Variants in RNF220 observed in about 807,000 individuals in gnomAD.
The protein encoded by RNF220 is ring finger protein 220.
In RNF220, 7 loss-of-function variants were observed where a neutral mutation model predicts 67.1. The observed-to-expected ratio is 0.10, with a 90% CI of 0.06 to 0.20. The LOEUF (loss-of-function observed/expected upper bound fraction) is 0.20. RNF220 is among the 10% of genes least tolerant of loss of function. The pLI is 1.00. For synonymous variants in RNF220, 270 were observed against 283.2 expected (o/e 0.95, Z 0.47); for missense variants, 565 against 740.3 (o/e 0.76, Z 2.75).
intron 2 of RNF220, among the ~76,000 whole-genome samples, chr1:44,537,156 T>C (rs1661295595): frequency 6.6e-6 from 1 of 152,120 alleles, no homozygotes; most frequent in African/African-American, 2.4e-5. Context: ...TCTGCCCCTC[T>C]TCTACCCCCT....
chr1:44,431,794 C>T (rs1426514803), intron 2 of RNF220, among the ~76,000 whole-genome samples: 1 of 152,188 alleles, frequency 6.6e-6, no homozygotes, highest in Non-Finnish European at 1.5e-5. Flanking sequence ...GTCTGGAGAG[C>T]ACAGAGCCAT....
At chr1:44,491,333 A>G (rs1084335) in intron 2 of RNF220, among the ~76,000 whole-genome samples, 1,648 of 152,240 alleles carry the variant, frequency 0.011, 32 homozygotes, top group African/African-American at 0.038. Context: ...ATATATGTAT[A>G]TATAAATCTG....
intron 2 of RNF220, among the ~76,000 whole-genome samples, chr1:44,489,811 A>G (rs709263): frequency 0.95 from 144,173 of 151,228 alleles, 68,797 homozygotes; most frequent in East Asian, 1. Context: ...CTTCACCAGA[A>G]TCCCATTGGC....
chr1:44,492,987 G>A, intron 2 of RNF220, among the ~76,000 whole-genome samples: 1 of 151,782 alleles, frequency 6.6e-6, no homozygotes, highest in East Asian at 1.9e-4. Flanking sequence ...CACACTCCTG[G>A]GCTCAAGCAT....
chr1:44,581,637 C>G (rs1444652675), intron 2 of RNF220, among the ~76,000 whole-genome samples: 1 of 152,094 alleles, frequency 6.6e-6, no homozygotes, highest in Non-Finnish European at 1.5e-5. Context: ...TTGAGGGACT[C>G]TGGAGAGAGA....
At chr1:44,409,056 A>G (rs2147795752) in intron 1 of RNF220, 1 of 152,382 alleles carries the variant, frequency 6.6e-6, no homozygotes, top group African/African-American at 2.4e-5. Flanking sequence ...AGACATTTTC[A>G]CGTTCCAAAC....
intron 2 of RNF220, among the ~76,000 whole-genome samples, chr1:44,552,811 C>T (rs1200608543): frequency 1.3e-5 from 2 of 151,892 alleles, no homozygotes; most frequent in African/African-American, 2.4e-5. Context: ...CCTCGTGATC[C>T]GCCCGCCTTG....
intron 2 of RNF220, among the ~76,000 whole-genome samples, chr1:44,480,891 A>G (rs1174755289): frequency 6.6e-6 from 1 of 152,188 alleles, no homozygotes; most frequent in Non-Finnish European, 1.5e-5. Context: ...GTCTCAAAAA[A>G]TAAAGTAAAA....
intron 5 of RNF220, 190 bp downstream of exon 5, chr1:44,626,588 T>C: frequency 1.7e-6 from 1 of 591,594 alleles, no homozygotes; most frequent in Non-Finnish European, 3.0e-6. Flanking sequence ...AGGCCTTAAA[T>C]AGATGGATTT....
chr1:44,445,710 T>C (rs1208590613), intron 2 of RNF220, among the ~76,000 whole-genome samples: 1 of 149,128 alleles, frequency 6.7e-6, no homozygotes. Flanking sequence ...CTCTCCTTCT[T>C]ATCCCGCCTC....
chr1:44,520,128 T>TGTGTGTGTGTGTGA (rs796131470), intron 2 of RNF220, among the ~76,000 whole-genome samples: 99 of 113,440 alleles, frequency 8.7e-4, no homozygotes, highest in East Asian at 2.1e-3. Flanking sequence ...TGTGTGTGTG[T>TGTGTGTGTGTGTGA]GAGAGAGAGA....
At chr1:44,529,784 A>G (rs2148186793) in intron 2 of RNF220, among the ~76,000 whole-genome samples, 1 of 152,256 alleles carries the variant, frequency 6.6e-6, no homozygotes, top group Admixed American at 6.5e-5. Context: ...ATAGGCTGGT[A>G]ATAGTGCTAT....
At chr1:44,541,656 CT>C (rs1661684619) in intron 2 of RNF220, among the ~76,000 whole-genome samples, 1 of 152,228 alleles carries the variant, frequency 6.6e-6, no homozygotes, top group Non-Finnish European at 1.5e-5. Flanking sequence ...TTTCCCTTTT[CT>C]GTTCCGGACG....
intron 2 of RNF220, among the ~76,000 whole-genome samples, chr1:44,442,493 C>T (rs1035983173): frequency 4.7e-5 from 7 of 148,302 alleles, no homozygotes; most frequent in Non-Finnish European, 1.0e-4. Flanking sequence ...TTCTTTGCCC[C>T]GCTGCCGCAC....
chr1:44,467,510 T>G (rs1044140708), intron 2 of RNF220, among the ~76,000 whole-genome samples: 2 of 152,126 alleles, frequency 1.3e-5, no homozygotes, highest in African/African-American at 2.4e-5. Flanking sequence ...CGCACCTGGC[T>G]GCTTCAGACT....
chr1:44,424,293 T>G (rs1050866443), intron 2 of RNF220, among the ~76,000 whole-genome samples: 1 of 152,172 alleles, frequency 6.6e-6, no homozygotes, highest in Admixed American at 6.5e-5. Flanking sequence ...TCACTTGTGC[T>G]GGTGATAGTG....
At chr1:44,627,972 A>G (rs1244074894) in intron 5 of RNF220, among the ~76,000 whole-genome samples, 1 of 152,236 alleles carries the variant, frequency 6.6e-6, no homozygotes, top group African/African-American at 2.4e-5. Context: ...TGCATAGCCC[A>G]AAGTGCAAGC....
In RNF220 at chr1:44,458,946, G is replaced by C. The variant is rs116569961; in HGVS notation, c.625+46224G>C. Among the ~76,000 whole-genome samples, 1,458 of 152,280 alleles carry C rather than the reference G, an allele frequency of 9.6e-3. 6 individuals carry two copies. The highest frequency in any genetic ancestry group is 0.013 in the Non-Finnish European group (860 of 68,014). The stretch of plus-strand genomic sequence containing the variant: ...TCAGTAGGGAAGAGGCTGGTTAAGA[G>C]AGCATCCACTCTTGGACGACAGCCT... On this transcript the variant is annotated intron_variant, in intron 2 of 14. Coordinates refer to ENST00000361799, the MANE Select transcript of RNF220 (RefSeq NM_018150.4).
intron 2 of RNF220, among the ~76,000 whole-genome samples, chr1:44,472,228 ATATC>A (rs781035984): frequency 4.6e-4 from 70 of 152,132 alleles, no homozygotes; most frequent in Non-Finnish European, 8.5e-4. Flanking sequence ...TCTTGGGTAT[ATATC>A]TAGGAGTGGA....
Sources: gnomAD v4.1 joint callset for allele counts (sites outside exome capture counted in the v4.1 genomes callset) on GRCh38, gnomAD v4.1.1 for gene constraint, MANE v1.5 for transcripts, NCBI Gene and HGNC (gene_info 2026-07-23, HGNC 2026-07-21) for gene names.